The following SLA variants were observed in gnomAD, a reference collection of about 807,000 sequenced individuals.
SLA encodes the protein src-like-adapter.
Under a neutral mutation model 30.3 loss-of-function variants are expected in SLA, and 16 were observed. The observed-to-expected ratio is 0.53, with a 90% CI of 0.36 to 0.80. The LOEUF (loss-of-function observed/expected upper bound fraction) is 0.80, where lower values mean the gene tolerates loss of function less well. Ranked by LOEUF, SLA falls within the 30% of genes least tolerant of loss-of-function variation. SLA has a pLI of 0.01. For missense variants in SLA, 310 were observed against 345.2 expected (o/e 0.90, Z 0.81); for synonymous variants, 143 against 137.8 (o/e 1.04, Z -0.26).
In SLA at chr8:133,060,101, C is replaced by G; in HGVS notation, c.60G>C (p.Glu20Asp). 1 of 1,595,032 alleles carries G rather than the reference C, an allele frequency of 6.3e-7. No homozygotes were observed. The highest frequency in any genetic ancestry group is 8.5e-7 in the Non-Finnish European group (1 of 1,174,122). Residue 20 changes from glutamate (E) to aspartate (D), a missense_variant and splice_region_variant, in exon 3 of 9, where the codon GAG becomes GAC. Transcript: ENST00000338087. ...APAERPLPNP[E>D]GLDSDFLAVL... ...TCTCACCAGAGAAGCCAGACTTACC[C>G]TCCGGGTTGGGCAGGGGCCTCTCGG...
intron 2 of SLA, among the ~76,000 whole-genome samples, chr8:133,068,353 G>C (rs1469616694): frequency 6.6e-6 from 1 of 152,214 alleles, no homozygotes; most frequent in African/African-American, 2.4e-5. Context: ...TACACTCTCA[G>C]GCTAACAGAG....
intron 2 of SLA, among the ~76,000 whole-genome samples, chr8:133,066,150 C>T (rs151121981): frequency 0.036 from 5,419 of 152,002 alleles, 231 homozygotes; most frequent in African/African-American, 0.098. Flanking sequence ...GGTGAAACCC[C>T]GTCTCTACTA....
intron 2 of SLA, among the ~76,000 whole-genome samples, chr8:133,072,593 C>T (rs1264382104): frequency 6.6e-6 from 1 of 152,166 alleles, no homozygotes; most frequent in Non-Finnish European, 1.5e-5. Context: ...TCTCTCAGAG[C>T]TGGGAGAAAT....
intron 2 of SLA, among the ~76,000 whole-genome samples, chr8:133,070,233 G>A (rs190310579): frequency 2.0e-4 from 30 of 152,138 alleles, no homozygotes; most frequent in South Asian, 6.2e-4. Flanking sequence ...CTCTGAGGAC[G>A]GAGTAGGAAA....
At chr8:133,059,823 C>G (rs1039540964) in intron 3 of SLA, among the ~76,000 whole-genome samples, 1 of 152,188 alleles carries the variant, frequency 6.6e-6, no homozygotes, top group African/African-American at 2.4e-5. Flanking sequence ...CTCAGTCTCC[C>G]TATCTGGAAA....
At position 133,050,911 on chromosome 8, in the gene SLA, C is replaced by T. The variant is rs989401102; in HGVS notation, c.66G>A (p.Leu22=). 2 of 1,609,708 alleles carry T rather than the reference C, an allele frequency of 1.2e-6. No homozygotes were observed. The highest frequency in any genetic ancestry group is 1.3e-5 in the African/African-American group (1 of 74,936). The change falls in exon 4 of 9, where the codon CTG becomes CTA. Residue 22 remains leucine (L), a synonymous_variant. Transcript: ENST00000338087. ...AERPLPNPEG[L]DSDFLAVLSD... ...TTAGCACGGCAAGGAAGTCGCTATCCAGTCCTGGGGAAACAAAGGCAAGGG... is the reference window on the plus strand; with the variant it reads ...TTAGCACGGCAAGGAAGTCGCTATCTAGTCCTGGGGAAACAAAGGCAAGGG...
At chr8:133,044,100 C>A (rs1390848318) in intron 7 of SLA, among the ~76,000 whole-genome samples, 2 of 152,200 alleles carry the variant, frequency 1.3e-5, no homozygotes, top group African/African-American at 2.4e-5. Flanking sequence ...ACACAAACAG[C>A]CAACCTCAGG....
intron 2 of SLA, among the ~76,000 whole-genome samples, chr8:133,071,537 T>C (rs1587989370): frequency 6.6e-6 from 1 of 152,128 alleles, no homozygotes; most frequent in Non-Finnish European, 1.5e-5. Context: ...GATAGAGCGG[T>C]GCAATGAGAG....
At chr8:133,049,276 C>T (rs1193985478) in intron 5 of SLA, 1 of 407,960 alleles carries the variant, frequency 2.5e-6, no homozygotes, top group East Asian at 7.3e-5. Context: ...TCAAGGAAGG[C>T]ACATAAGCAT....
Position 133,074,640 on chromosome 8 carries a change from C to A in SLA, c.-41+213G>T, listed in dbSNP as rs557852103. Among the ~76,000 whole-genome samples the A allele has an allele frequency of 3.3e-5, 5 of 152,354 alleles. No individual in the cohort carries two copies. In the East Asian group the frequency reaches 9.6e-4, roughly 29 times the overall value. ...CAGCATCCTGCCCCTGCTCCTCCAG[C>A]CCTTCTCTCCACAGAATTATGCATC... On this transcript the variant is annotated intron_variant, in intron 2 of 8. Coordinates refer to ENST00000338087, the MANE Select transcript of SLA (RefSeq NM_001045556.3).
chr8:133,083,704 A>G (rs1218949906), intron 1 of SLA, among the ~76,000 whole-genome samples: 6 of 152,198 alleles, frequency 3.9e-5, no homozygotes, highest in African/African-American at 1.2e-4. Context: ...TCTCTTTAAA[A>G]TAATAATAAT....
At chr8:133,053,628 G>A (rs10099615) in intron 3 of SLA, among the ~76,000 whole-genome samples, 39,930 of 152,020 alleles carry the variant, frequency 0.26, 5,367 homozygotes, top group Non-Finnish European at 0.27. Flanking sequence ...CTACAGAGGG[G>A]TTTGAGGTTT....
chr8:133,078,266 C>T (rs981007774), intron 1 of SLA, among the ~76,000 whole-genome samples: 2 of 152,156 alleles, frequency 1.3e-5, no homozygotes, highest in African/African-American at 4.8e-5. Flanking sequence ...CTGTGAGCTG[C>T]ATCTTAAAGG....
intron 1 of SLA, among the ~76,000 whole-genome samples, chr8:133,082,594 G>A (rs935391175): frequency 6.6e-6 from 1 of 152,140 alleles, no homozygotes; most frequent in Non-Finnish European, 1.5e-5. Context: ...GAGCAATAAG[G>A]CCTTTGCGGC....
chr8:133,091,055 G>C (rs553378760), intron 1 of SLA, among the ~76,000 whole-genome samples: 1 of 152,312 alleles, frequency 6.6e-6, no homozygotes, highest in Non-Finnish European at 1.5e-5. Flanking sequence ...AAATAATACT[G>C]TTGTTACCCA....
At chr8:133,047,998 C>A in intron 5 of SLA, 65 bp from the exon 6 acceptor site, 1 of 913,534 alleles carries the variant, frequency 1.1e-6, no homozygotes, top group South Asian at 1.4e-5. Flanking sequence ...GGCAGGAATG[C>A]GCCACCCACC....
intron 4 of SLA, 41 bp from the exon 5 acceptor site, chr8:133,050,029 A>T: frequency 7.8e-7 from 1 of 1,284,594 alleles, no homozygotes; most frequent in African/African-American, 1.5e-5. Flanking sequence ...AGATAGGTAA[A>T]TAGCAAAACC....
chr8:133,095,976 C>T (rs1425563204), intron 1 of SLA, among the ~76,000 whole-genome samples: 2 of 152,182 alleles, frequency 1.3e-5, no homozygotes, highest in African/African-American at 4.8e-5. Context: ...CTGCTGTTAC[C>T]TCTGGGATGC....
At chr8:133,051,043 C>A (rs1322786840) in intron 3 of SLA, 128 bp from the exon 4 acceptor site, 2 of 632,872 alleles carry the variant, frequency 3.2e-6, no homozygotes, top group Non-Finnish European at 5.7e-6. Flanking sequence ...TTGTTTTGAA[C>A]CACCAATTTA....
Sources: gnomAD v4.1 joint callset for allele counts (sites outside exome capture counted in the v4.1 genomes callset) on GRCh38, gnomAD v4.1.1 for gene constraint, MANE v1.5 for transcripts, NCBI Gene and HGNC (gene_info 2026-07-23, HGNC 2026-07-21) for gene names.